Variants in COL9A1 observed in about 807,000 individuals in gnomAD.
The protein encoded by COL9A1 is collagen type IX alpha 1 chain, also known as collagen alpha-1(IX) chain.
Under a neutral mutation model 142.6 loss-of-function variants are expected in COL9A1, and 104 were observed. The ratio of observed to expected loss-of-function variants is 0.73; its 90% CI spans 0.62 to 0.86. The LOEUF (loss-of-function observed/expected upper bound fraction) is 0.86, where lower values mean the gene tolerates loss of function less well. Among genes scored for constraint, COL9A1 ranks in the 40% least tolerant of loss-of-function variants. The pLI, the probability that COL9A1 is intolerant of heterozygous loss-of-function variation, is 0.00. For missense variants in COL9A1, 1,210 were observed against 1,176.6 expected (o/e 1.03, Z -0.42); for synonymous variants, 466 against 396.0 (o/e 1.18, Z -2.10).
chr6:70,293,070 C>T (rs1773714167), intron 5 of COL9A1, among the ~76,000 whole-genome samples: 1 of 152,150 alleles, frequency 6.6e-6, no homozygotes, highest in African/African-American at 2.4e-5. Context: ...TACTGAAATC[C>T]CTGATAACCT....
At chr6:70,240,618 G>T in intron 32 of COL9A1, 71 bp downstream of exon 32, 1 of 982,834 alleles carries the variant, frequency 1.0e-6, no homozygotes, top group Non-Finnish European at 1.6e-6. Flanking sequence ...TGTGTTAGAA[G>T]TATATATATA....
At chr6:70,288,387 G>T (rs1262079963) in intron 5 of COL9A1, among the ~76,000 whole-genome samples, 1 of 151,944 alleles carries the variant, frequency 6.6e-6, no homozygotes, top group Non-Finnish European at 1.5e-5. Flanking sequence ...CTCTTAAGTA[G>T]CCCTTGCTCC....
At chr6:70,253,955 G>C (rs967288984) in intron 25 of COL9A1, among the ~76,000 whole-genome samples, 2 of 152,278 alleles carry the variant, frequency 1.3e-5, no homozygotes, top group African/African-American at 4.8e-5. Flanking sequence ...ATATTACCAA[G>C]TATTCTTTAT....
At chr6:70,266,817 T>C (rs1309080641) in intron 17 of COL9A1, 47 bp from the exon 18 acceptor site, 1 of 1,494,970 alleles carries the variant, frequency 6.7e-7, no homozygotes, top group South Asian at 1.1e-5. Flanking sequence ...GTACAGAAAG[T>C]GATCAGAAGG....
At chr6:70,300,794 C>G (rs1217097882) in intron 2 of COL9A1, among the ~76,000 whole-genome samples, 1 of 152,096 alleles carries the variant, frequency 6.6e-6, no homozygotes, top group Non-Finnish European at 1.5e-5. Context: ...TTGGAAAATT[C>G]CTGGTGGTTT....
chr6:70,226,224 A>G (rs1194041751), intron 36 of COL9A1, among the ~76,000 whole-genome samples: 1 of 152,184 alleles, frequency 6.6e-6, no homozygotes, highest in Non-Finnish European at 1.5e-5. Flanking sequence ...TAGATACTGG[A>G]ATGACATTTG....
At chr6:70,240,230 G>T (rs867202731) in intron 32 of COL9A1, among the ~76,000 whole-genome samples, 1 of 152,032 alleles carries the variant, frequency 6.6e-6, no homozygotes, top group African/African-American at 2.4e-5. Context: ...TTTTTCGGAG[G>T]GTTTTAGACT....
chr6:70,228,089 A>C (rs1440858937), intron 36 of COL9A1, among the ~76,000 whole-genome samples: 1 of 152,110 alleles, frequency 6.6e-6, no homozygotes, highest in Non-Finnish European at 1.5e-5. Context: ...TAATTTTTGG[A>C]ACTGTATAAA....
intron 4 of COL9A1, among the ~76,000 whole-genome samples, chr6:70,296,035 T>A (rs576652873): frequency 8.2e-4 from 125 of 152,304 alleles, no homozygotes; most frequent in African/African-American, 2.9e-3. Context: ...TTTGCTAAGA[T>A]CTTCTATCTT....
chr6:70,296,754 G>A (rs989765593), intron 4 of COL9A1, among the ~76,000 whole-genome samples: 1 of 152,032 alleles, frequency 6.6e-6, no homozygotes, highest in Non-Finnish European at 1.5e-5. Flanking sequence ...AATTGGGCAA[G>A]TGTCCATTTA....
chr6:70,254,470 A>G lies in COL9A1; in HGVS notation c.1719+6T>C. On this transcript the variant is annotated splice_donor_region_variant and intron_variant, in intron 25 of 37. Transcript: ENST00000357250. ...CCAATTAACATGTAAAGAATCAAATACTTACTGGTAACCCCTGCAATCCTG... is the reference window on the plus strand; with the variant it reads ...CCAATTAACATGTAAAGAATCAAATGCTTACTGGTAACCCCTGCAATCCTG... The G allele has an allele frequency of 6.2e-7, 1 of 1,613,900 alleles. No homozygotes were observed. The highest frequency in any genetic ancestry group is 8.5e-7 in the Non-Finnish European group (1 of 1,179,778).
chr6:70,283,322 C>T, intron 6 of COL9A1: 3 of 1,208,366 alleles, frequency 2.5e-6, no homozygotes, highest in Non-Finnish European at 2.2e-6. Context: ...TCCCTGCCGC[C>T]GCACAGGCGA....
intron 18 of COL9A1, among the ~76,000 whole-genome samples, chr6:70,266,036 C>T (rs1239045002): frequency 1.3e-5 from 2 of 152,038 alleles, no homozygotes; most frequent in African/African-American, 4.8e-5. Flanking sequence ...AAGAGAAAAC[C>T]TACTATGCAG....
chr6:70,299,859 A>G (rs1313395789), intron 4 of COL9A1, among the ~76,000 whole-genome samples, 184 bp downstream of exon 4: 1 of 152,222 alleles, frequency 6.6e-6, no homozygotes, highest in Admixed American at 6.5e-5. Context: ...AGTAAATTAC[A>G]TACTGAAAAC....
intron 33 of COL9A1, among the ~76,000 whole-genome samples, chr6:70,238,788 A>T (rs1770064620): frequency 6.6e-6 from 1 of 152,218 alleles, no homozygotes; most frequent in Non-Finnish European, 1.5e-5. Context: ...TATTGGATTA[A>T]TCCATTGCCT....
chr6:70,270,370 A>G lies in COL9A1; in HGVS notation c.1144-3T>C. 6.2e-7 allele frequency: 1 copy of G among 1,613,538 alleles called. No homozygotes were observed. Among genetic ancestry groups the G allele is most frequent in the South Asian group, 1.1e-5 (1 of 91,040 alleles). On this transcript the variant is annotated splice_polypyrimidine_tract_variant and splice_region_variant and intron_variant, in intron 14 of 37. Transcript: ENST00000357250. ...GGTCCTCTTCTCCCAGGGTCACCCT[A>G]AGTTATTTGAAAATTGCGACACAGT...
At position 70,301,861 on chromosome 6, in the gene COL9A1, C is replaced by A. The variant is rs959062510; in HGVS notation, c.88+140G>T. 5 of 719,180 alleles carry A rather than the reference C, an allele frequency of 7.0e-6. No individual in the cohort carries two copies. The African/African-American group carries it at 8.9e-5, about 13-fold the overall frequency. 44.5% of individuals were successfully genotyped at this position (719,180 alleles called of 1,614,324 possible). A position where few individuals can be genotyped will look rare whatever the true frequency, so the allele number is the denominator to read the frequency against. On this transcript the variant is annotated intron_variant, in intron 2 of 37. Coordinates refer to ENST00000357250, the MANE Select transcript of COL9A1 (RefSeq NM_001851.6). ...CATGGAAAACCAGAACCTAATGTAT[C>A]CCTGTGCCCCAAAGCTGGATTGAAG...
At chr6:70,253,557 A>T in intron 25 of COL9A1, 128 bp from the exon 26 acceptor site, 1 of 713,876 alleles carries the variant, frequency 1.4e-6, no homozygotes, top group Non-Finnish European at 2.5e-6. Context: ...TGTAAGGAAG[A>T]TGCTTCCTAG....
At chr6:70,242,794 C>G in intron 28 of COL9A1, 79 bp from the exon 29 acceptor site, 7 of 1,401,068 alleles carry the variant, frequency 5.0e-6, no homozygotes, top group Non-Finnish European at 6.1e-6. Context: ...AAAATAACAT[C>G]CTACCTAGGT....
Sources: allele counts gnomAD v4.1 joint callset (sites outside exome capture counted in the v4.1 genomes callset), GRCh38; gene constraint gnomAD v4.1.1; transcripts MANE v1.5; gene names NCBI Gene and HGNC (gene_info 2026-07-23, HGNC 2026-07-21).